Variants in SLC44A1 observed in about 807,000 individuals in gnomAD.
SLC44A1 encodes choline transporter-like protein 1.
SLC44A1 carries 26 observed loss-of-function variants against 79.3 expected under a neutral mutation model. The ratio of observed to expected loss-of-function variants is 0.33; its 90% CI spans 0.24 to 0.46. SLC44A1 has a LOEUF of 0.46. Ranked by LOEUF, SLC44A1 falls within the 20% of genes least tolerant of loss-of-function variation. SLC44A1 has a pLI of 1.00. For missense variants in SLC44A1, 688 were observed against 798.1 expected (o/e 0.86, Z 1.66); for synonymous variants, 263 against 286.2 (o/e 0.92, Z 0.82).
intron 1 of SLC44A1, among the ~76,000 whole-genome samples, chr9:105,263,702 A>AT (rs1332208026): frequency 6.6e-6 from 1 of 151,522 alleles, no homozygotes; most frequent in Admixed American, 6.6e-5. Flanking sequence ...TGCCCAGCTA[A>AT]TTTTTTGTAT....
chr9:105,343,674 C>A (rs1361729727), intron 4 of SLC44A1, among the ~76,000 whole-genome samples: 1 of 152,132 alleles, frequency 6.6e-6, no homozygotes, highest in African/African-American at 2.4e-5. Context: ...GAAGGAAGAT[C>A]CTTACATTTG....
chr9:105,364,572 G>A lies in SLC44A1; in HGVS notation c.1105G>A (p.Glu369Lys). The change falls in exon 10 of 16, where the codon GAG becomes AAG. Residue 369 changes from glutamate (E) to lysine (K), a missense_variant. Coordinates refer to ENST00000374720, the MANE Select transcript of SLC44A1 (RefSeq NM_080546.5). ...TTTCCTAGGCAGTCCTGTTCAGAAT[G>A]AGCAAGGCTTTGTGGAGTTCAAAAT... ...LGTTGSPVQN[E>K]QGFVEFKISG... The A allele has an allele frequency of 1.2e-6, 2 of 1,613,696 alleles. No homozygotes were observed. The highest frequency in any genetic ancestry group is 1.1e-5 in the South Asian group (1 of 90,970).
At chr9:105,433,646 C>T (rs1363046894) in intron 15 of SLC44A1, among the ~76,000 whole-genome samples, 1 of 151,872 alleles carries the variant, frequency 6.6e-6, no homozygotes, top group Non-Finnish European at 1.5e-5. Flanking sequence ...TTCACCCCTC[C>T]ACTGCCCAAC....
chr9:105,304,717 A>C (rs1488725420), intron 2 of SLC44A1, among the ~76,000 whole-genome samples: 2 of 152,116 alleles, frequency 1.3e-5, no homozygotes, highest in Admixed American at 1.3e-4. Flanking sequence ...TTACTTGCTC[A>C]TGATGGTAAG....
intron 1 of SLC44A1, among the ~76,000 whole-genome samples, chr9:105,282,240 CTTT>C (rs71501464): frequency 2.2e-5 from 3 of 137,940 alleles, no homozygotes; most frequent in Admixed American, 1.4e-4. Flanking sequence ...TTCTTGGTTG[CTTT>C]TTTTTTTTTT....
At chr9:105,317,539 T>C (rs940913987) in intron 3 of SLC44A1, among the ~76,000 whole-genome samples, 1 of 151,956 alleles carries the variant, frequency 6.6e-6, no homozygotes, top group African/African-American at 2.4e-5. Context: ...ACTAGATGGT[T>C]ATGAGGGTTT....
At chr9:105,400,562 G>A (rs1047914298), downstream of SLC44A1, among the ~76,000 whole-genome samples, 27 of 152,032 alleles carry the variant, frequency 1.8e-4, no homozygotes, top group African/African-American at 5.6e-4. Context: ...GTTGACATAG[G>A]TATATTCTTC....
At chr9:105,252,155 A>G (rs1289240645) in intron 1 of SLC44A1, among the ~76,000 whole-genome samples, 1 of 152,232 alleles carries the variant, frequency 6.6e-6, no homozygotes, top group Non-Finnish European at 1.5e-5. Context: ...CTGCTTTCAT[A>G]TGACAGTGTC....
At chr9:105,279,317 C>CTTT (rs35697234) in intron 1 of SLC44A1, among the ~76,000 whole-genome samples, 7 of 133,314 alleles carry the variant, frequency 5.3e-5, no homozygotes, top group South Asian at 2.4e-4. Flanking sequence ...GAAAAGAAAA[C>CTTT]TTTTTTTTTT....
At chr9:105,269,146 A>T (rs777686659) in intron 1 of SLC44A1, among the ~76,000 whole-genome samples, 1 of 152,180 alleles carries the variant, frequency 6.6e-6, no homozygotes, top group African/African-American at 2.4e-5. Context: ...TAATATTAAT[A>T]AATTTATGTC....
In SLC44A1 at chr9:105,390,430, CAAA is replaced by C. The variant is rs34048538; in HGVS notation, c.*1393_*1395del. ...TATTGCACTAAATACAGGCTCTGTA[CAAA>C]AAAAAAAAAAAAAAAAAAGCCTCAG... On this transcript the variant is annotated 3_prime_UTR_variant, in exon 16 of 16. Coordinates refer to ENST00000374720, the MANE Select transcript of SLC44A1 (RefSeq NM_080546.5). 0.032 allele frequency: 26,107 copies of C among 817,980 alleles called. 43 individuals are homozygous for C. Among genetic ancestry groups the C allele is most frequent in the African/African-American group, 0.11 (3,994 of 37,178 alleles). The allele number at this position is 817,980 out of a possible 1,614,324, so 50.7% of individuals were successfully genotyped here. A position where few individuals can be genotyped will look rare whatever the true frequency, so the allele number is the denominator to read the frequency against.
chr9:105,337,363 A>G (rs1287219291), intron 4 of SLC44A1, among the ~76,000 whole-genome samples: 1 of 152,210 alleles, frequency 6.6e-6, no homozygotes, highest in African/African-American at 2.4e-5. Flanking sequence ...CGTACCTAAT[A>G]TACTTCATAG....
chr9:105,267,573 T>A (rs958466795), intron 1 of SLC44A1, among the ~76,000 whole-genome samples: 5 of 152,228 alleles, frequency 3.3e-5, no homozygotes, highest in African/African-American at 1.2e-4. Context: ...TTATTTCTGC[T>A]ATGATTTCTA....
At chr9:105,366,728 G>A (rs976265191) in intron 12 of SLC44A1, among the ~76,000 whole-genome samples, 5 of 151,938 alleles carry the variant, frequency 3.3e-5, no homozygotes, top group East Asian at 1.9e-4. Flanking sequence ...ACTCTGGTTC[G>A]TCTTTCAGGA....
At chr9:105,413,033 A>G (rs534838400) in intron 15 of SLC44A1, among the ~76,000 whole-genome samples, 6 of 152,334 alleles carry the variant, frequency 3.9e-5, no homozygotes, top group African/African-American at 9.6e-5. Context: ...GGGAAAAGCA[A>G]TGATTACTAT....
chr9:105,299,131 G>A, intron 1 of SLC44A1, 89 bp from the exon 2 acceptor site: 2 of 874,376 alleles, frequency 2.3e-6, no homozygotes, highest in Non-Finnish European at 3.6e-6. Context: ...TGGCAAAGAA[G>A]GGCTCTAGCT....
intron 4 of SLC44A1, among the ~76,000 whole-genome samples, chr9:105,345,291 A>G (rs980620300): frequency 1.3e-5 from 2 of 152,188 alleles, no homozygotes; most frequent in African/African-American, 4.8e-5. Context: ...ATAGGAAAAC[A>G]GTAGATAAAA....
At chr9:105,295,174 A>G (rs955155383) in intron 1 of SLC44A1, among the ~76,000 whole-genome samples, 2 of 152,244 alleles carry the variant, frequency 1.3e-5, no homozygotes, top group South Asian at 2.1e-4. Flanking sequence ...AGTCAGGAGT[A>G]TATAGTAATT....
chr9:105,340,072 A>G, intron 4 of SLC44A1, among the ~76,000 whole-genome samples: 1 of 152,208 alleles, frequency 6.6e-6, no homozygotes, highest in East Asian at 1.9e-4. Flanking sequence ...TTCAATGACT[A>G]GAGTTTCAGA....
Sources: gnomAD v4.1 joint callset for allele counts (sites outside exome capture counted in the v4.1 genomes callset) on GRCh38, gnomAD v4.1.1 for gene constraint, MANE v1.5 for transcripts, NCBI Gene and HGNC (gene_info 2026-07-23, HGNC 2026-07-21) for gene names.